LIN28B: variants seen among roughly 807,000 people sequenced by gnomAD.
The protein encoded by LIN28B is lin-28 RNA binding posttranscriptional regulator B.
In LIN28B, 5 loss-of-function variants were observed where a neutral mutation model predicts 21.9. The ratio of observed to expected loss-of-function variants is 0.23; its 90% confidence interval spans 0.12 to 0.48. The LOEUF is 0.48. LIN28B is among the 20% of genes least tolerant of loss of function. LIN28B has a pLI of 0.98. For missense variants in LIN28B, 245 were observed against 310.5 expected (o/e 0.79, Z 1.58); for synonymous variants, 109 against 111.3 (o/e 0.98, Z 0.13).
chr6:104,991,435 T>A (rs1412404448), intron 2 of LIN28B, among the ~76,000 whole-genome samples: 2 of 142,862 alleles, frequency 1.4e-5, no homozygotes, highest in Admixed American at 7.0e-5. Context: ...GCAGAGGTGA[T>A]CCCCACATCT....
intron 2 of LIN28B, among the ~76,000 whole-genome samples, chr6:104,992,609 G>A (rs549897277): frequency 2.0e-5 from 3 of 151,828 alleles, no homozygotes; most frequent in Middle Eastern, 3.4e-3. Flanking sequence ...AGGCTCAAGC[G>A]ATCCTTCCAC....
At chr6:105,062,784 G>A (rs545653026) in intron 3 of LIN28B, among the ~76,000 whole-genome samples, 2 of 151,796 alleles carry the variant, frequency 1.3e-5, no homozygotes, top group South Asian at 4.2e-4. Context: ...TTCAGGGCTC[G>A]TAATTTTGTT....
Position 104,995,965 on chromosome 6 carries a change from T to TTA in LIN28B, c.199-30318_199-30317dup, listed in dbSNP as rs201567101. The stretch of plus-strand genomic sequence containing the variant: ...AAAAATTATTTTAAAATTATATACT[T>TTA]TATATATATATATATAAAATACACA... On this transcript the variant is annotated intron_variant, in intron 2 of 3. Coordinates refer to ENST00000345080, the MANE Select transcript of LIN28B (RefSeq NM_001004317.4). Among the ~76,000 whole-genome samples the TTA allele has an allele frequency of 7.1e-3, 1,048 of 148,364 alleles. 24 individuals are homozygous for TTA. In the East Asian group the frequency reaches 0.09, roughly 13 times the overall value.
At chr6:104,961,691 C>T (rs370019007) in intron 2 of LIN28B, among the ~76,000 whole-genome samples, 1 of 152,078 alleles carries the variant, frequency 6.6e-6, no homozygotes, top group East Asian at 1.9e-4. Flanking sequence ...TGAGCCACCG[C>T]GCCCGGCTTT....
At chr6:105,017,240 A>G (rs1254724206) in intron 2 of LIN28B, among the ~76,000 whole-genome samples, 1 of 152,058 alleles carries the variant, frequency 6.6e-6, no homozygotes, top group African/African-American at 2.4e-5. Flanking sequence ...TTAAACTGAA[A>G]CTCAGTAATG....
intron 3 of LIN28B, among the ~76,000 whole-genome samples, chr6:105,040,293 T>C (rs753485509): frequency 1.3e-5 from 2 of 152,110 alleles, no homozygotes; most frequent in Non-Finnish European, 2.9e-5. Context: ...ACTAGGACTT[T>C]TTGTGTACTT....
chr6:105,064,015 CAAAA>C (rs1184428263), intron 3 of LIN28B, among the ~76,000 whole-genome samples: 1 of 151,404 alleles, frequency 6.6e-6, no homozygotes, highest in East Asian at 1.9e-4. Flanking sequence ...TGAGAAGAAA[CAAAA>C]AAACTAAAAT....
At chr6:105,074,437 A>G (rs1772387303) in intron 3 of LIN28B, among the ~76,000 whole-genome samples, 2 of 152,134 alleles carry the variant, frequency 1.3e-5, no homozygotes, top group Non-Finnish European at 2.9e-5. Context: ...TGACCTCGTG[A>G]TCTGCCCACC....
intron 2 of LIN28B, among the ~76,000 whole-genome samples, chr6:104,976,638 T>C (rs1217067635): frequency 3.3e-5 from 5 of 152,170 alleles, no homozygotes; most frequent in Non-Finnish European, 7.4e-5. Flanking sequence ...CAGGGAAGGC[T>C]TTTACAAAGG....
intron 2 of LIN28B, among the ~76,000 whole-genome samples, chr6:105,008,517 G>A (rs533262189): frequency 1.3e-3 from 204 of 152,018 alleles, no homozygotes; most frequent in Non-Finnish European, 2.3e-3. Context: ...GGTGGCGGGC[G>A]CCTGTGGTCC....
intron 2 of LIN28B, among the ~76,000 whole-genome samples, chr6:105,023,297 AT>A (rs549125048): frequency 0.44 from 17,486 of 40,142 alleles, 4,680 homozygotes; most frequent in East Asian, 0.58. Context: ...TAATATATAT[AT>A]TTATATATAA....
rs1211204 is a variant in LIN28B, at chr6:104,966,939, T to C, written c.198+8653T>C. The stretch of plus-strand genomic sequence containing the variant: ...CCCAACCTCTGGCTGATATTTTTTA[T>C]TATATTTGTAGAGACGGGGTCTCCC... On this transcript the variant is annotated intron_variant, in intron 2 of 3. Coordinates refer to ENST00000345080, the MANE Select transcript of LIN28B (RefSeq NM_001004317.4). 2.0e-3 allele frequency among the ~76,000 whole-genome samples: 302 copies of C among 152,108 alleles called. 1 individual carries two copies. Among genetic ancestry groups the C allele is most frequent in the African/African-American group, 6.9e-3 (288 of 41,522 alleles).
chr6:104,989,576 G>GTTTTTTTTTTTTTT lies in LIN28B; in HGVS notation c.198+31302_198+31315dup, dbSNP rs34394074. ...GAAACTTTATTTTTATTTTACTTGG[G>GTTTTTTTTTTTTTT]TTTTTTTTTTTTTTTTTTTTTTTTT... is the stretch of plus-strand genomic sequence containing the variant. On this transcript the variant is annotated intron_variant, in intron 2 of 3. Transcript: ENST00000345080. 4.5e-3 allele frequency among the ~76,000 whole-genome samples: 273 copies of GTTTTTTTTTTTTTT among 60,600 alleles called. 5 individuals carry two copies. Among genetic ancestry groups the GTTTTTTTTTTTTTT allele is most frequent in the East Asian group, 0.015 (19 of 1,268 alleles). 39.8% of individuals were successfully genotyped at this position (60,600 alleles called of 152,430 possible).
At chr6:104,945,277 C>T (rs1778143779) in intron 2 of LIN28B, among the ~76,000 whole-genome samples, 1 of 151,848 alleles carries the variant, frequency 6.6e-6, no homozygotes, top group African/African-American at 2.4e-5. Flanking sequence ...AGTAAGTCAC[C>T]CAGTGTTGTA....
intron 3 of LIN28B, among the ~76,000 whole-genome samples, chr6:105,067,000 TA>T (rs1274719909): frequency 6.6e-6 from 1 of 152,158 alleles, no homozygotes; most frequent in Non-Finnish European, 1.5e-5. Context: ...AGCTGATGCT[TA>T]TTTACAGCAG....
chr6:105,068,925 T>C (rs1371519410), intron 3 of LIN28B, among the ~76,000 whole-genome samples: 1 of 152,162 alleles, frequency 6.6e-6, no homozygotes, highest in African/African-American at 2.4e-5. Flanking sequence ...TCTATTTAAA[T>C]GCCAACAGAG....
Position 105,078,787 on chromosome 6 carries a change from G to A in LIN28B, c.*4G>A, listed in dbSNP as rs1292315184. On this transcript the variant is annotated 3_prime_UTR_variant, in exon 4 of 4. Coordinates refer to ENST00000345080, the MANE Select transcript of LIN28B (RefSeq NM_001004317.4). The stretch of plus-strand genomic sequence containing the variant: ...TCAAAAAAGGAAAAAGACATAACAG[G>A]TCTTCTTCATATGTTCTTTCCTTTA... 1 of 1,609,962 alleles carries A rather than the reference G, an allele frequency of 6.2e-7. No individual in the cohort carries two copies. Among genetic ancestry groups the A allele is most frequent in the South Asian group, 1.1e-5 (1 of 90,800 alleles).
intron 2 of LIN28B, among the ~76,000 whole-genome samples, chr6:104,969,459 A>AC (rs1769929945): frequency 2.0e-5 from 3 of 152,090 alleles, no homozygotes. Flanking sequence ...AACAACAACA[A>AC]AAAAAAGCCC....
chr6:105,049,035 T>C (rs1771834931), intron 3 of LIN28B, among the ~76,000 whole-genome samples: 1 of 152,234 alleles, frequency 6.6e-6, no homozygotes, highest in South Asian at 2.1e-4. Flanking sequence ...GCTCTGATCT[T>C]AGTTATTTCT....
Sources: gnomAD v4.1 joint callset for allele counts (sites outside exome capture counted in the v4.1 genomes callset) on GRCh38, gnomAD v4.1.1 for gene constraint, MANE v1.5 for transcripts, NCBI Gene and HGNC (gene_info 2026-07-23, HGNC 2026-07-21) for gene names.